The following GRM7 variants were observed in gnomAD, a reference collection of about 807,000 sequenced individuals.
GRM7 encodes glutamate metabotropic receptor 7, also known as metabotropic glutamate receptor 7.
In GRM7, 35 loss-of-function variants were observed where a neutral mutation model predicts 84.5. That is an observed-to-expected ratio of 0.41 (90% CI 0.32 to 0.55). The LOEUF is 0.55. Ranked by LOEUF, GRM7 falls within the 20% of genes least tolerant of loss-of-function variation. The pLI is 0.19. For missense variants in GRM7, 1,003 were observed against 1,194.6 expected, an observed-to-expected ratio of 0.84 and a Z score of 2.36; for synonymous variants, 487 against 455.1, an observed-to-expected ratio of 1.07 and a Z score of -0.89.
chr3:6,867,008 A>T (rs1314790086), intron 1 of GRM7, among the ~76,000 whole-genome samples: 3 of 152,322 alleles, frequency 2.0e-5, no homozygotes, highest in Non-Finnish European at 4.4e-5. Context: ...TGTAGCATAT[A>T]GTCAAGTAGA....
intron 2 of GRM7, among the ~76,000 whole-genome samples, chr3:7,161,965 G>C (rs576370804): frequency 3.9e-5 from 6 of 152,320 alleles, no homozygotes; most frequent in African/African-American, 1.4e-4. Context: ...TGATGATATT[G>C]CCAACGTAAT....
intron 9 of GRM7, among the ~76,000 whole-genome samples, chr3:7,719,473 T>A (rs546443073): frequency 6.6e-6 from 1 of 152,122 alleles, no homozygotes; most frequent in Non-Finnish European, 1.5e-5. Flanking sequence ...TAGTAAGGAA[T>A]AGCAAAGGCT....
intron 1 of GRM7, among the ~76,000 whole-genome samples, chr3:7,068,206 T>C (rs1697736347): frequency 6.6e-6 from 1 of 151,964 alleles, no homozygotes; most frequent in South Asian, 2.1e-4. Flanking sequence ...CATGTACACC[T>C]TTCTAAATCA....
chr3:7,102,145 A>G (rs1349692678), intron 1 of GRM7, among the ~76,000 whole-genome samples: 1 of 151,796 alleles, frequency 6.6e-6, no homozygotes, highest in Non-Finnish European at 1.5e-5. Flanking sequence ...ATTTCTGTTC[A>G]GTCCTCATGC....
intron 4 of GRM7, among the ~76,000 whole-genome samples, chr3:7,408,476 G>C (rs1695776866): frequency 6.6e-6 from 1 of 152,016 alleles, no homozygotes; most frequent in Non-Finnish European, 1.5e-5. Context: ...CTCATCAATA[G>C]ACACACCAAA....
At chr3:7,727,881 C>G (rs543325508) in intron 9 of GRM7, among the ~76,000 whole-genome samples, 1 of 152,330 alleles carries the variant, frequency 6.6e-6, no homozygotes, top group South Asian at 2.1e-4. Flanking sequence ...TTGGGACATT[C>G]TAGCCATCTT....
chr3:6,953,642 T>G (rs1319805280), intron 1 of GRM7, among the ~76,000 whole-genome samples: 1 of 152,168 alleles, frequency 6.6e-6, no homozygotes, highest in African/African-American at 2.4e-5. Flanking sequence ...ATCCCCACAT[T>G]TGTATCAAAA....
At chr3:6,979,030 G>C (rs11919037) in intron 1 of GRM7, among the ~76,000 whole-genome samples, 8,277 of 152,062 alleles carry the variant, frequency 0.054, 759 homozygotes, top group African/African-American at 0.19. Context: ...TGAGTAAGGA[G>C]ATAAAGACAA....
chr3:7,168,321 A>G (rs1410162068), intron 2 of GRM7, among the ~76,000 whole-genome samples: 1 of 152,104 alleles, frequency 6.6e-6, no homozygotes, highest in Admixed American at 6.6e-5. Context: ...TTCCCCTCCA[A>G]TTTCATATGG....
chr3:7,283,591 G>T (rs1464239439), intron 2 of GRM7, among the ~76,000 whole-genome samples: 1 of 152,138 alleles, frequency 6.6e-6, no homozygotes, highest in African/African-American at 2.4e-5. Flanking sequence ...AAACCAAGGA[G>T]AAAGATTTGG....
At chr3:7,689,338 G>C (rs1320043569) in intron 9 of GRM7, among the ~76,000 whole-genome samples, 1 of 152,050 alleles carries the variant, frequency 6.6e-6, no homozygotes, top group African/African-American at 2.4e-5. Context: ...TATCATGTTG[G>C]GACTCTCCCT....
intron 9 of GRM7, among the ~76,000 whole-genome samples, chr3:7,716,157 T>TG (rs888677133): frequency 3.0e-4 from 46 of 152,130 alleles, no homozygotes; most frequent in African/African-American, 8.0e-4. Context: ...AATCATGCTG[T>TG]GGGGGGGTGT....
intron 1 of GRM7, among the ~76,000 whole-genome samples, chr3:7,027,089 A>T (rs956380724): frequency 1.3e-5 from 2 of 152,150 alleles, no homozygotes; most frequent in African/African-American, 4.8e-5. Flanking sequence ...CCTCTTATTG[A>T]AGTTATTCTT....
chr3:7,047,564 C>T (rs549344525), intron 1 of GRM7, among the ~76,000 whole-genome samples: 1 of 152,032 alleles, frequency 6.6e-6, no homozygotes, highest in Admixed American at 6.6e-5. Flanking sequence ...CTCTGTAGTT[C>T]CAGCCAGTAC....
chr3:7,415,988 T>A (rs1696142923), intron 5 of GRM7, among the ~76,000 whole-genome samples: 1 of 152,124 alleles, frequency 6.6e-6, no homozygotes, highest in Non-Finnish European at 1.5e-5. Context: ...AGAATGATGC[T>A]TGAGTCAAGA....
rs145068808 is a variant in GRM7, at chr3:7,712,365, C to T, written c.2699-27992C>T. 3.3e-3 allele frequency among the ~76,000 whole-genome samples: 495 copies of T among 152,202 alleles called. 7 individuals are homozygous for T. Among genetic ancestry groups the T allele is most frequent in the East Asian group, 0.026 (132 of 5,170 alleles). ...TGCTGGGGCTCTGACCTGGTGGCATCCTCAGCTGCACCCAGCCCAAAGGCC... is the reference window on the plus strand; with the variant it reads ...TGCTGGGGCTCTGACCTGGTGGCATTCTCAGCTGCACCCAGCCCAAAGGCC... On this transcript the variant is annotated intron_variant, in intron 9 of 9. Transcript: ENST00000357716.
intron 2 of GRM7, among the ~76,000 whole-genome samples, chr3:7,246,578 C>G (rs1697769124): frequency 6.6e-6 from 1 of 152,080 alleles, no homozygotes; most frequent in African/African-American, 2.4e-5. Context: ...GCAGAAACAC[C>G]TGATTTTACC....
chr3:7,492,741 C>T (rs1699567288), intron 7 of GRM7, among the ~76,000 whole-genome samples: 1 of 151,550 alleles, frequency 6.6e-6, no homozygotes, highest in Non-Finnish European at 1.5e-5. Flanking sequence ...TGGGTTTATT[C>T]TGTTCTTTTT....
intron 1 of GRM7, among the ~76,000 whole-genome samples, chr3:7,125,025 C>T (rs909888397): frequency 1.2e-4 from 19 of 152,098 alleles, no homozygotes; most frequent in Non-Finnish European, 2.5e-4. Context: ...CTGCAACCTC[C>T]GCCACCTGGG....
Sources: allele counts gnomAD v4.1 joint callset (sites outside exome capture counted in the v4.1 genomes callset), GRCh38; gene constraint gnomAD v4.1.1; transcripts MANE v1.5; gene names NCBI Gene and HGNC (gene_info 2026-07-23, HGNC 2026-07-21).